Variants in PPARGC1A observed in about 807,000 individuals in gnomAD.
The protein encoded by PPARGC1A is PPARG coactivator 1 alpha.
A neutral mutation model predicts 88.7 loss-of-function variants in PPARGC1A; 25 were observed. The ratio of observed to expected loss-of-function variants is 0.28; its 90% CI spans 0.21 to 0.39. The LOEUF is 0.39. PPARGC1A is among the 10% of genes least tolerant of loss of function. PPARGC1A has a pLI of 1.00. For missense variants in PPARGC1A, 880 were observed against 968.7 expected (o/e 0.91, Z 1.22); for synonymous variants, 363 against 355.6 (o/e 1.02, Z -0.24).
At chr4:24,135,155 T>C in the PPARGC1A span, among the ~76,000 whole-genome samples, 5 of 152,134 alleles carry the variant, frequency 3.3e-5, no homozygotes, top group Admixed American at 2.0e-4. Flanking sequence ...ATTGACTCTA[T>C]TAAAACTACA....
At chr4:24,322,478 T>C in the PPARGC1A span, among the ~76,000 whole-genome samples, 172 of 152,372 alleles carry the variant, frequency 1.1e-3, no homozygotes, top group Non-Finnish European at 1.9e-3. Flanking sequence ...ATGTCATTTA[T>C]AACTTCACAT....
At chr4:23,877,283 G>A (rs577785060) in intron 2 of PPARGC1A, among the ~76,000 whole-genome samples, 3 of 148,918 alleles carry the variant, frequency 2.0e-5, no homozygotes, top group African/African-American at 5.0e-5. Flanking sequence ...TTGGGAGGCC[G>A]AGGCAGGCGA....
At chr4:24,454,799 CAGTT>C in the PPARGC1A span, among the ~76,000 whole-genome samples, 4 of 151,724 alleles carry the variant, frequency 2.6e-5, no homozygotes, top group African/African-American at 9.7e-5. Context: ...GTCAAGAAGC[CAGTT>C]AGTTAAATAG....
the PPARGC1A span, among the ~76,000 whole-genome samples, chr4:24,437,973 G>C: frequency 6.6e-6 from 1 of 152,046 alleles, no homozygotes; most frequent in Non-Finnish European, 1.5e-5. Flanking sequence ...CACTGTGCCC[G>C]GCCTACAGCA....
chr4:24,387,852 G>GAA, the PPARGC1A span, among the ~76,000 whole-genome samples: 12 of 135,668 alleles, frequency 8.8e-5, no homozygotes, highest in East Asian at 1.4e-3. Context: ...GAGAGAGAAA[G>GAA]AGAGAAAGAG....
At chr4:24,184,525 G>A in the PPARGC1A span, among the ~76,000 whole-genome samples, 2 of 152,318 alleles carry the variant, frequency 1.3e-5, no homozygotes, top group African/African-American at 2.4e-5. Context: ...CAGAAATGGT[G>A]CCTCCCCAGG....
At chr4:23,845,163 A>G (rs1728097350) in intron 2 of PPARGC1A, among the ~76,000 whole-genome samples, 1 of 152,048 alleles carries the variant, frequency 6.6e-6, no homozygotes. Context: ...TGCTGTGAAT[A>G]CCTCACAAAG....
At chr4:24,290,092 C>A in the PPARGC1A span, among the ~76,000 whole-genome samples, 2 of 152,176 alleles carry the variant, frequency 1.3e-5, no homozygotes, top group Non-Finnish European at 2.9e-5. Flanking sequence ...GAAAAACCCA[C>A]CCCCATGATT....
At chr4:24,303,337 C>T in the PPARGC1A span, among the ~76,000 whole-genome samples, 83 of 152,276 alleles carry the variant, frequency 5.5e-4, 1 homozygote, top group East Asian at 0.011. Flanking sequence ...ACACAACACA[C>T]GCAGTACATC....
At chr4:24,370,372 C>A in the PPARGC1A span, among the ~76,000 whole-genome samples, 1 of 152,000 alleles carries the variant, frequency 6.6e-6, no homozygotes, top group Admixed American at 6.6e-5. Context: ...ATAATAGCGA[C>A]GGTGTATAGA....
chr4:23,971,846 C>T, the PPARGC1A span, among the ~76,000 whole-genome samples: 1 of 152,134 alleles, frequency 6.6e-6, no homozygotes, highest in African/African-American at 2.4e-5. Context: ...AATAAAGATC[C>T]TCTCCCTAAA....
At chr4:24,037,158 T>C in the PPARGC1A span, among the ~76,000 whole-genome samples, 1 of 152,190 alleles carries the variant, frequency 6.6e-6, no homozygotes, top group Non-Finnish European at 1.5e-5. Flanking sequence ...AGAAAAACCT[T>C]CCTTAAATTT....
chr4:24,049,309 T>TGTAC, the PPARGC1A span, among the ~76,000 whole-genome samples: 2 of 7,640 alleles, frequency 2.6e-4, no homozygotes, highest in East Asian at 6.0e-3. Context: ...TATATGTGTG[T>TGTAC]ATATATATAT....
At chr4:24,101,055 G>C in the PPARGC1A span, among the ~76,000 whole-genome samples, 1 of 152,124 alleles carries the variant, frequency 6.6e-6, no homozygotes, top group African/African-American at 2.4e-5. Context: ...CTTTTGATAG[G>C]GTTTGGATCT....
At chr4:24,243,578 G>T in the PPARGC1A span, among the ~76,000 whole-genome samples, 12 of 152,350 alleles carry the variant, frequency 7.9e-5, 1 homozygote, top group East Asian at 2.3e-3. Flanking sequence ...AGAAAGGAGA[G>T]TGTCATGGCA....
At chr4:24,226,105 T>C in the PPARGC1A span, among the ~76,000 whole-genome samples, 3 of 152,144 alleles carry the variant, frequency 2.0e-5, no homozygotes, top group Non-Finnish European at 4.4e-5. Context: ...CTTTTGCCAT[T>C]CTGCTAAACT....
chr4:24,162,348 C>G, the PPARGC1A span, among the ~76,000 whole-genome samples: 1 of 152,060 alleles, frequency 6.6e-6, no homozygotes, highest in African/African-American at 2.4e-5. Context: ...ACAACCTGTT[C>G]CCCAATAACC....
chr4:24,257,520 A>G, the PPARGC1A span, among the ~76,000 whole-genome samples: 4 of 152,170 alleles, frequency 2.6e-5, no homozygotes, highest in African/African-American at 4.8e-5. Context: ...AATGGAGAAA[A>G]TCTACCAAAG....
chr4:24,173,698 T>TA, the PPARGC1A span, among the ~76,000 whole-genome samples: 1 of 152,234 alleles, frequency 6.6e-6, no homozygotes, highest in Non-Finnish European at 1.5e-5. Flanking sequence ...TAGTAACATT[T>TA]CTGCTATTCA....
Sources: allele counts gnomAD v4.1 joint callset (sites outside exome capture counted in the v4.1 genomes callset), GRCh38; gene constraint gnomAD v4.1.1; transcripts MANE v1.5; gene names NCBI Gene and HGNC (gene_info 2026-07-23, HGNC 2026-07-21).